Variants in CACNA1E observed in about 807,000 individuals in gnomAD.
CACNA1E encodes calcium voltage-gated channel subunit alpha1 E.
A neutral mutation model predicts 259.2 loss-of-function variants in CACNA1E; 40 were observed. The observed-to-expected ratio is 0.15, with a 90% CI of 0.12 to 0.20. CACNA1E has a LOEUF of 0.20. Among genes scored for constraint, CACNA1E ranks in the 10% least tolerant of loss-of-function variants. The probability of loss-of-function intolerance (pLI) is 1.00; values close to 1 mark genes in which losing one functional copy is unlikely to be tolerated. For missense variants in CACNA1E, 1,874 were observed against 3,040.1 expected, an observed-to-expected ratio of 0.62 and a Z score of 9.02; for synonymous variants, 1,104 against 1,138.5, an observed-to-expected ratio of 0.97 and a Z score of 0.61.
intron 3 of CACNA1E, among the ~76,000 whole-genome samples, chr1:181,537,095 C>CTTTTTTTTT (rs201514362): frequency 8.9e-6 from 1 of 112,632 alleles, no homozygotes. Flanking sequence ...TTTTTCTTTT[C>CTTTTTTTTT]TTTTTTTTTT....
chr1:181,512,049 T>C (rs1054690604), intron 3 of CACNA1E, among the ~76,000 whole-genome samples: 1 of 152,278 alleles, frequency 6.6e-6, no homozygotes, highest in Non-Finnish European at 1.5e-5. Context: ...CATATTAAAA[T>C]GTTGGATAAA....
intron 6 of CACNA1E, among the ~76,000 whole-genome samples, chr1:181,595,256 A>G (rs1653044323): frequency 6.6e-6 from 1 of 152,190 alleles, no homozygotes; most frequent in East Asian, 1.9e-4. Context: ...CCATCCTTGA[A>G]TGAATGATCA....
At position 181,639,738 on chromosome 1, in the gene CACNA1E, G is replaced by T. The variant is rs530568273; in HGVS notation, c.952-11600G>T. Among the ~76,000 whole-genome samples the T allele has an allele frequency of 2.6e-5, 4 of 152,314 alleles. No homozygotes were observed. In the South Asian group the frequency reaches 8.3e-4, roughly 32 times the overall value. ...ATTATCTCTGTTTTGTTTTAATCTT[G>T]TTGTGCCCCAAACTAATGGGGATGC... On this transcript the variant is annotated intron_variant, in intron 6 of 47. Transcript: ENST00000367573.
chr1:181,676,316 C>G (rs1351695276), intron 7 of CACNA1E, among the ~76,000 whole-genome samples: 1 of 152,126 alleles, frequency 6.6e-6, no homozygotes, highest in Non-Finnish European at 1.5e-5. Context: ...TATCCCTTGT[C>G]CTGGTTCAAG....
chr1:181,425,523 A>AC (rs1659103710), intron 2 of CACNA1E, among the ~76,000 whole-genome samples: 2 of 125,292 alleles, frequency 1.6e-5, no homozygotes, highest in African/African-American at 6.9e-5. Context: ...ATTGCTGTAC[A>AC]CCCCCGCTCC....
chr1:181,755,797 C>T (rs1267937535), intron 28 of CACNA1E, among the ~76,000 whole-genome samples, 159 bp from the exon 29 acceptor site: 1 of 152,182 alleles, frequency 6.6e-6, no homozygotes, highest in Non-Finnish European at 1.5e-5. Flanking sequence ...ATTTTTGCTC[C>T]ATGGTAAAAA....
rs574802407 is a variant in CACNA1E at position 181,727,323 on chromosome 1, G to C, written c.2240+1161G>C. The stretch of plus-strand genomic sequence containing the variant: ...GGCAAGAGAAAGAACAGGAGGTATA[G>C]TGTGCTGGAAACCTGTGAAGGAAAA... On this transcript the variant is annotated intron_variant, in intron 18 of 47. Coordinates refer to ENST00000367573, the MANE Select transcript of CACNA1E (RefSeq NM_001205293.3). Among the ~76,000 whole-genome samples the C allele has an allele frequency of 3.3e-5, 5 of 152,348 alleles. No individual in the cohort carries two copies. The South Asian group carries it at 1.0e-3, about 32-fold the overall frequency.
intron 1 of CACNA1E, among the ~76,000 whole-genome samples, chr1:181,344,522 ACAACACTCAG>A (rs1189691356): frequency 1.3e-5 from 2 of 152,200 alleles, no homozygotes; most frequent in African/African-American, 4.8e-5. Flanking sequence ...GGAAAGAGAA[ACAACACTCAG>A]CCTTTCTGCC....
chr1:181,526,473 G>C (rs1057308724), intron 3 of CACNA1E, among the ~76,000 whole-genome samples: 1 of 150,844 alleles, frequency 6.6e-6, no homozygotes, highest in East Asian at 1.9e-4. Flanking sequence ...GGGTGTATCT[G>C]TTGGTCTGGA....
chr1:181,553,159 T>C (rs952365777), intron 3 of CACNA1E, among the ~76,000 whole-genome samples: 1 of 152,228 alleles, frequency 6.6e-6, no homozygotes, highest in African/African-American at 2.4e-5. Flanking sequence ...CATTTGTTCG[T>C]GTACTTTCTT....
At chr1:181,388,764 G>A (rs1367109407) in intron 1 of CACNA1E, among the ~76,000 whole-genome samples, 1 of 152,090 alleles carries the variant, frequency 6.6e-6, no homozygotes, top group Non-Finnish European at 1.5e-5. Flanking sequence ...GGTGGTGCAT[G>A]CCTGTAATCC....
chr1:181,490,393 G>A (rs1295957236), intron 1 of CACNA1E, among the ~76,000 whole-genome samples: 6 of 151,510 alleles, frequency 4.0e-5, no homozygotes, highest in Non-Finnish European at 8.8e-5. Context: ...AAAAAAAAAG[G>A]AGCCTCAAAT....
intron 6 of CACNA1E, among the ~76,000 whole-genome samples, chr1:181,590,124 G>C (rs952807245): frequency 6.6e-6 from 1 of 152,102 alleles, no homozygotes; most frequent in African/African-American, 2.4e-5. Flanking sequence ...TTTGGCCACA[G>C]CGAAGCTTCA....
chr1:181,707,279 CA>C (rs1421661459), intron 7 of CACNA1E, among the ~76,000 whole-genome samples: 1 of 152,186 alleles, frequency 6.6e-6, no homozygotes, highest in African/African-American at 2.4e-5. Flanking sequence ...CAGTGGTGCA[CA>C]TTCGTTGCTT....
chr1:181,350,335 G>A (rs1269155478), intron 1 of CACNA1E, among the ~76,000 whole-genome samples: 1 of 152,216 alleles, frequency 6.6e-6, no homozygotes. Context: ...CCAGAGCTGG[G>A]TGGTTCCTGC....
intron 1 of CACNA1E, among the ~76,000 whole-genome samples, chr1:181,331,122 G>A (rs1236735230): frequency 5.3e-5 from 8 of 152,130 alleles, no homozygotes; most frequent in East Asian, 1.9e-4. Flanking sequence ...GGAGGCAGAC[G>A]GTGCAGATTG....
intron 34 of CACNA1E, 27 bp downstream of exon 34, chr1:181,763,558 GA>G (rs1250001014): frequency 6.5e-7 from 1 of 1,535,050 alleles, no homozygotes; most frequent in Admixed American, 1.8e-5. Context: ...AATCCTCTCT[GA>G]GGGTTGTCAT....
intron 25 of CACNA1E, among the ~76,000 whole-genome samples, chr1:181,750,123 T>C (rs563168184): frequency 1.3e-5 from 2 of 152,398 alleles, no homozygotes; most frequent in Non-Finnish European, 2.9e-5. Flanking sequence ...AGTAAACGCC[T>C]GCACTTAGAA....
intron 6 of CACNA1E, among the ~76,000 whole-genome samples, chr1:181,643,525 C>T (rs886557407): frequency 5.9e-5 from 9 of 152,134 alleles, no homozygotes; most frequent in African/African-American, 1.9e-4. Flanking sequence ...GGGTACCTGC[C>T]TGCCCAGTGC....
Sources: allele counts gnomAD v4.1 joint callset (sites outside exome capture counted in the v4.1 genomes callset), GRCh38; gene constraint gnomAD v4.1.1; transcripts MANE v1.5; gene names NCBI Gene and HGNC (gene_info 2026-07-23, HGNC 2026-07-21).